The following SUCLG2 variants were observed in gnomAD, a reference collection of about 807,000 sequenced individuals.
SUCLG2 encodes the protein succinate-CoA ligase GDP-forming subunit beta.
A neutral mutation model predicts 47.9 loss-of-function variants in SUCLG2; 42 were observed. The ratio of observed to expected loss-of-function variants is 0.88; its 90% CI spans 0.69 to 1.14. SUCLG2 has a LOEUF of 1.14. Among genes scored for constraint, SUCLG2 ranks in the 50% most tolerant of loss-of-function variants. The pLI is 0.00. For missense variants in SUCLG2, 571 were observed against 525.9 expected, an observed-to-expected ratio of 1.09 and a Z score of -0.84; for synonymous variants, 195 against 197.3, an observed-to-expected ratio of 0.99 and a Z score of 0.10.
At chr3:67,453,000 CT>C (rs1704094042) in intron 9 of SUCLG2, among the ~76,000 whole-genome samples, 1 of 151,964 alleles carries the variant, frequency 6.6e-6, no homozygotes, top group Non-Finnish European at 1.5e-5. Context: ...TAAAGTAGAC[CT>C]TCCCATTCTC....
At chr3:67,439,109 T>C (rs1009152298) in intron 9 of SUCLG2, among the ~76,000 whole-genome samples, 1 of 151,996 alleles carries the variant, frequency 6.6e-6, no homozygotes, top group Non-Finnish European at 1.5e-5. Flanking sequence ...ACGTAATCCA[T>C]CACATAAACA....
chr3:67,509,778 T>G (rs1705735307), intron 6 of SUCLG2, among the ~76,000 whole-genome samples: 1 of 152,194 alleles, frequency 6.6e-6, no homozygotes, highest in South Asian at 2.1e-4. Flanking sequence ...AAGCCAAAGT[T>G]TTCCCACTGC....
chr3:67,432,987 C>T (rs894027648), intron 9 of SUCLG2, among the ~76,000 whole-genome samples: 4 of 152,186 alleles, frequency 2.6e-5, no homozygotes, highest in African/African-American at 7.2e-5. Context: ...GCTTCCTGAT[C>T]TTAAAATCCT....
At chr3:67,638,821 A>G (rs572229461) in intron 1 of SUCLG2, among the ~76,000 whole-genome samples, 51 of 152,306 alleles carry the variant, frequency 3.3e-4, no homozygotes, top group African/African-American at 1.1e-3. Context: ...TAAACTATTC[A>G]GCAGCTTAGC....
Position 67,518,291 on chromosome 3 carries a change from G to A in SUCLG2, c.616C>T (p.Arg206Trp), listed in dbSNP as rs778540373. Residue 206 changes from arginine to tryptophan, a missense_variant, in exon 6 of 11, where the codon CGG becomes TGG. Transcript: ENST00000307227. ...ACGAAGCCTAGATTTTCGGCCATCC[G>A]CTGAGCTTGGCTGTCCTTTATTCCT... ...FEGIKDSQAQ[R>W]MAENLGFVGP... 6.2e-6 allele frequency: 10 copies of A among 1,612,210 alleles called. No homozygotes were observed. The highest frequency in any genetic ancestry group is 1.7e-5 in the Admixed American group (1 of 59,844).
chr3:67,654,001 A>C (rs1701334639), intron 1 of SUCLG2, among the ~76,000 whole-genome samples: 1 of 152,232 alleles, frequency 6.6e-6, no homozygotes, highest in African/African-American at 2.4e-5. Context: ...GCACATTAAA[A>C]GTCTGCAAAA....
At chr3:67,465,593 T>C (rs1476206497) in intron 9 of SUCLG2, among the ~76,000 whole-genome samples, 1 of 152,186 alleles carries the variant, frequency 6.6e-6, no homozygotes, top group Non-Finnish European at 1.5e-5. Flanking sequence ...GGCAAGGCTA[T>C]GCTTCCCCTG....
rs1206387058 is a variant in SUCLG2, at chr3:67,384,038, CA to C, written c.1184-8180del. Among the ~76,000 whole-genome samples, 79 of 152,288 alleles carry C rather than the reference CA, an allele frequency of 5.2e-4. 1 individual carries two copies. Among genetic ancestry groups the C allele is most frequent in the African/African-American group, 1.8e-3 (75 of 41,564 alleles). On this transcript the variant is annotated intron_variant, in intron 10 of 10. Coordinates refer to ENST00000307227, the MANE Select transcript of SUCLG2 (RefSeq NM_003848.4). ...AAGAAATTTTCAAAGGTAATTTTAA[CA>C]GTGTGAGACTTTTGTCGAAAATGCT...
intron 1 of SUCLG2, among the ~76,000 whole-genome samples, chr3:67,636,331 A>AAATGGACACCAAGGCAG (rs1010062718): frequency 2.6e-5 from 4 of 152,126 alleles, no homozygotes; most frequent in Non-Finnish European, 4.4e-5. Context: ...AGAGGTAGGA[A>AAATGGACACCAAGGCAG]AATGGACACC....
intron 10 of SUCLG2, among the ~76,000 whole-genome samples, chr3:67,386,072 C>A (rs146837619): frequency 2.8e-3 from 424 of 152,210 alleles, no homozygotes; most frequent in African/African-American, 9.6e-3. Flanking sequence ...ACCATAGTAA[C>A]AGCAGTAACA....
At chr3:67,461,528 T>G (rs180953148) in intron 9 of SUCLG2, among the ~76,000 whole-genome samples, 51 of 151,674 alleles carry the variant, frequency 3.4e-4, no homozygotes, top group South Asian at 2.5e-3. Context: ...CAGAGATCAA[T>G]CAGAAAAGGA....
intron 10 of SUCLG2, among the ~76,000 whole-genome samples, chr3:67,382,929 T>C (rs1191154975): frequency 1.3e-5 from 2 of 152,168 alleles, no homozygotes; most frequent in East Asian, 3.9e-4. Context: ...CCTCCTTCCT[T>C]AGTCTCCTTT....
intron 1 of SUCLG2, among the ~76,000 whole-genome samples, chr3:67,650,020 A>G (rs1701258100): frequency 6.6e-6 from 1 of 152,202 alleles, no homozygotes; most frequent in African/African-American, 2.4e-5. Flanking sequence ...AAACAAAACC[A>G]ATTTAGGACA....
At chr3:67,363,821 G>A (rs757142263) in intron 10 of SUCLG2, among the ~76,000 whole-genome samples, 10 of 133,994 alleles carry the variant, frequency 7.5e-5, no homozygotes, top group Admixed American at 1.8e-4. Context: ...AATGAGCTCT[G>A]TACAAAAGTA....
intron 2 of SUCLG2, among the ~76,000 whole-genome samples, chr3:67,602,266 A>G (rs903299048): frequency 1.3e-5 from 2 of 152,170 alleles, no homozygotes; most frequent in African/African-American, 2.4e-5. Context: ...TTTATTGGTA[A>G]AAGTGTAAGA....
At chr3:67,569,550 C>T (rs1452598400) in intron 2 of SUCLG2, among the ~76,000 whole-genome samples, 1 of 152,224 alleles carries the variant, frequency 6.6e-6, no homozygotes, top group Non-Finnish European at 1.5e-5. Context: ...ATTCTCAAGC[C>T]TTAAAATACA....
At chr3:67,387,473 A>C (rs1030370196) in intron 10 of SUCLG2, among the ~76,000 whole-genome samples, 1 of 152,178 alleles carries the variant, frequency 6.6e-6, no homozygotes, top group African/African-American at 2.4e-5. Context: ...CGATTGACCC[A>C]TTCTTTCTGG....
intron 10 of SUCLG2, among the ~76,000 whole-genome samples, chr3:67,385,046 C>T (rs1284985947): frequency 6.6e-6 from 1 of 152,190 alleles, no homozygotes; most frequent in Non-Finnish European, 1.5e-5. Flanking sequence ...CTGTAAGTCT[C>T]GTCCTGATAG....
intron 1 of SUCLG2, among the ~76,000 whole-genome samples, chr3:67,652,846 T>C (rs1042430037): frequency 6.6e-6 from 1 of 152,238 alleles, no homozygotes; most frequent in African/African-American, 2.4e-5. Flanking sequence ...CTGGACTAAA[T>C]GATTGCTAAT....
Sources: gnomAD v4.1 joint callset for allele counts (sites outside exome capture counted in the v4.1 genomes callset) on GRCh38, gnomAD v4.1.1 for gene constraint, MANE v1.5 for transcripts, NCBI Gene and HGNC (gene_info 2026-07-23, HGNC 2026-07-21) for gene names.